COL11A1: variants seen among roughly 807,000 people sequenced by gnomAD.
The protein encoded by COL11A1 is collagen type XI alpha 1 chain, also known as collagen alpha-1(XI) chain.
In COL11A1, 74 loss-of-function variants were observed where a neutral mutation model predicts 265.2. That is an observed-to-expected ratio of 0.28 (90% confidence interval 0.23 to 0.34). COL11A1 has a LOEUF of 0.34. COL11A1 is among the 10% of genes least tolerant of loss of function. COL11A1 has a pLI of 1.00. For missense variants in COL11A1, 2,165 were observed against 2,263.6 expected (o/e 0.96, Z 0.88); for synonymous variants, 816 against 727.6 (o/e 1.12, Z -1.96).
chr1:103,035,562 G>A lies in COL11A1; in HGVS notation c.652-4318C>T, dbSNP rs139340166. 2.5e-3 allele frequency among the ~76,000 whole-genome samples: 383 copies of A among 151,932 alleles called. 2 individuals are homozygous for A. The highest frequency in any genetic ancestry group is 9.0e-3 in the African/African-American group (372 of 41,472). On this transcript the variant is annotated intron_variant, in intron 4 of 66. Transcript: ENST00000370096. ...AGTTTTTTACTCATTTTATTTAATC[G>A]TTTTTAATTCATTCACTCTCTCAAA... is the stretch of plus-strand genomic sequence containing the variant.
chr1:103,036,321 C>T (rs903670256), intron 4 of COL11A1, among the ~76,000 whole-genome samples: 226 of 20,460 alleles, frequency 0.011, no homozygotes, highest in African/African-American at 0.024. Flanking sequence ...AAGTTGCTAT[C>T]GTATATATAT....
intron 57 of COL11A1, 21 bp from the exon 58 acceptor site, chr1:102,890,525 A>G: frequency 6.3e-7 from 1 of 1,586,396 alleles, no homozygotes; most frequent in Non-Finnish European, 8.6e-7. Context: ...ACAAAAAAAA[A>G]ACCCCAAAAC....
intron 53 of COL11A1, among the ~76,000 whole-genome samples, 170 bp downstream of exon 53, chr1:102,913,467 C>G (rs1489596401): frequency 6.6e-6 from 1 of 152,048 alleles, no homozygotes; most frequent in Non-Finnish European, 1.5e-5. Context: ...AAGAAACACT[C>G]CATGTAAGAT....
chr1:102,966,319 C>A (rs1370795504), intron 37 of COL11A1, among the ~76,000 whole-genome samples: 1 of 151,910 alleles, frequency 6.6e-6, no homozygotes, highest in East Asian at 1.9e-4. Context: ...TTCGAAAGAA[C>A]TGAATATTTT....
intron 57 of COL11A1, among the ~76,000 whole-genome samples, chr1:102,895,122 C>T (rs951430563): frequency 7.9e-5 from 12 of 152,018 alleles, no homozygotes; most frequent in Admixed American, 1.3e-4. Context: ...AAAATAAATA[C>T]TATATCACAT....
chr1:102,915,594 C>A (rs2101038670), intron 50 of COL11A1, 37 bp downstream of exon 50: 2 of 1,580,456 alleles, frequency 1.3e-6, no homozygotes, highest in Non-Finnish European at 8.7e-7. Flanking sequence ...ATTCCCAAAC[C>A]AATAATACAC....
chr1:102,926,343 G>A (rs1656595884), intron 46 of COL11A1, among the ~76,000 whole-genome samples: 1 of 151,780 alleles, frequency 6.6e-6, no homozygotes, highest in African/African-American at 2.4e-5. Flanking sequence ...ATGAAGTTAG[G>A]CCAAGAATGC....
intron 4 of COL11A1, among the ~76,000 whole-genome samples, chr1:103,064,700 G>GAA (rs59331849): frequency 0.024 from 2,967 of 123,290 alleles, 64 homozygotes; most frequent in African/African-American, 0.057. Context: ...AAAAAAAAAA[G>GAA]AAAAAAAAAA....
At chr1:103,085,562 G>A (rs1203067840) in intron 1 of COL11A1, among the ~76,000 whole-genome samples, 4 of 152,038 alleles carry the variant, frequency 2.6e-5, no homozygotes, top group African/African-American at 7.2e-5. Flanking sequence ...ATCACTGAAC[G>A]AGTTGAACAA....
intron 49 of COL11A1, 97 bp from the exon 50 acceptor site, chr1:102,915,781 T>A (rs1655265189): frequency 2.8e-5 from 27 of 958,394 alleles, no homozygotes; most frequent in Non-Finnish European, 4.3e-5. Flanking sequence ...TTAGCCCTTA[T>A]TTTTTTATAT....
chr1:102,897,606 C>T (rs1371537110), intron 57 of COL11A1, among the ~76,000 whole-genome samples: 1 of 152,036 alleles, frequency 6.6e-6, no homozygotes, highest in Non-Finnish European at 1.5e-5. Context: ...TACTTTATTG[C>T]ATTTCTCAAG....
intron 57 of COL11A1, 108 bp downstream of exon 57, chr1:102,898,017 G>A: frequency 1.7e-6 from 1 of 591,770 alleles, no homozygotes; most frequent in South Asian, 2.1e-5. Context: ...TGGACTATTA[G>A]AAAAAATACA....
intron 41 of COL11A1, among the ~76,000 whole-genome samples, chr1:102,954,580 C>A (rs936909575): frequency 6.6e-6 from 1 of 152,214 alleles, no homozygotes; most frequent in South Asian, 2.1e-4. Flanking sequence ...CACCTTGGCT[C>A]ACGCCTGTAA....
At chr1:102,929,165 C>T (rs951271478) in intron 46 of COL11A1, among the ~76,000 whole-genome samples, 2 of 130,682 alleles carry the variant, frequency 1.5e-5, no homozygotes, top group African/African-American at 5.4e-5. Context: ...AAGTCCTTGC[C>T]CATGCCTATG....
chr1:103,060,630 G>T (rs184514822), intron 4 of COL11A1, among the ~76,000 whole-genome samples: 1 of 152,202 alleles, frequency 6.6e-6, no homozygotes, highest in Non-Finnish European at 1.5e-5. Flanking sequence ...TCAGTATAGT[G>T]TTATTTAAAA....
intron 4 of COL11A1, among the ~76,000 whole-genome samples, chr1:103,043,244 T>A (rs1050753314): frequency 6.1e-5 from 9 of 146,602 alleles, no homozygotes; most frequent in African/African-American, 2.3e-4. Flanking sequence ...ATGAAATACA[T>A]CATATATATG....
At chr1:103,017,118 T>C (rs1481899460) in intron 11 of COL11A1, among the ~76,000 whole-genome samples, 1 of 152,072 alleles carries the variant, frequency 6.6e-6, no homozygotes, top group African/African-American at 2.4e-5. Context: ...TGAACTTTAT[T>C]TTAAATAAAA....
intron 63 of COL11A1, among the ~76,000 whole-genome samples, chr1:102,885,040 T>C (rs540147309): frequency 2.8e-4 from 43 of 152,248 alleles, no homozygotes; most frequent in African/African-American, 9.9e-4. Context: ...AGGGAGTATC[T>C]GAACAGAAGG....
chr1:103,037,139 A>C (rs1211752302), intron 4 of COL11A1, among the ~76,000 whole-genome samples: 3 of 143,250 alleles, frequency 2.1e-5, no homozygotes, highest in African/African-American at 8.0e-5. Flanking sequence ...CATATATATA[A>C]TTTTATATAT....
Sources: gnomAD v4.1 joint callset for allele counts (sites outside exome capture counted in the v4.1 genomes callset) on GRCh38, gnomAD v4.1.1 for gene constraint, MANE v1.5 for transcripts, NCBI Gene and HGNC (gene_info 2026-07-23, HGNC 2026-07-21) for gene names.